DIP2C: variants seen among roughly 807,000 people sequenced by gnomAD.
The protein encoded by DIP2C is disco-interacting protein 2 homolog C.
DIP2C carries 33 observed loss-of-function variants against 192.4 expected under a neutral mutation model. The observed-to-expected ratio is 0.17, with a 90% CI of 0.13 to 0.23. The LOEUF (loss-of-function observed/expected upper bound fraction) is 0.23, where lower values mean the gene tolerates loss of function less well. DIP2C is among the 10% of genes least tolerant of loss of function. The pLI, the probability that DIP2C is intolerant of heterozygous loss-of-function variation, is 1.00. For missense variants in DIP2C, 1,537 were observed against 2,110.1 expected (o/e 0.73, Z 5.32); for synonymous variants, 979 against 864.1 (o/e 1.13, Z -2.33).
intron 29 of DIP2C, 118 bp from the exon 30 acceptor site, chr10:329,719 C>T: frequency 7.7e-7 from 1 of 1,304,204 alleles, no homozygotes; most frequent in Non-Finnish European, 1.0e-6. Context: ...ACAGCCCGTG[C>T]TGCCATCTGT....
At chr10:318,922 T>TTA (rs1956887850) in intron 31 of DIP2C, among the ~76,000 whole-genome samples, 1 of 151,660 alleles carries the variant, frequency 6.6e-6, no homozygotes, top group Non-Finnish European at 1.5e-5. Context: ...TTTTTTTTTT[T>TTA]ATACAGAGTC....
At chr10:495,968 C>G (rs1403700564) in intron 1 of DIP2C, among the ~76,000 whole-genome samples, 1 of 145,544 alleles carries the variant, frequency 6.9e-6, no homozygotes, top group African/African-American at 2.6e-5. Context: ...TAAAATCTCT[C>G]CATTACTCGC....
intron 1 of DIP2C, among the ~76,000 whole-genome samples, chr10:589,035 G>T (rs1851252453): frequency 6.6e-6 from 1 of 152,132 alleles, no homozygotes. Flanking sequence ...TCCAGCAGGG[G>T]TGTAAAAAAA....
intron 1 of DIP2C, among the ~76,000 whole-genome samples, chr10:565,354 TAA>T (rs59721670): frequency 5.3e-4 from 60 of 113,986 alleles, no homozygotes; most frequent in Middle Eastern, 4.8e-3. Context: ...ACCTGCATTC[TAA>T]AAAAAAAAAA....
intron 1 of DIP2C, among the ~76,000 whole-genome samples, chr10:579,830 G>A (rs1349964707): frequency 1.3e-5 from 2 of 151,848 alleles, no homozygotes; most frequent in African/African-American, 2.4e-5. Context: ...TACATGCATA[G>A]CATGTACACA....
intron 2 of DIP2C, among the ~76,000 whole-genome samples, chr10:482,053 C>G (rs116661118): frequency 1.3e-5 from 2 of 152,208 alleles, no homozygotes; most frequent in Non-Finnish European, 2.9e-5. Flanking sequence ...GATGGGAATC[C>G]GGATGGTCTG....
intron 35 of DIP2C, among the ~76,000 whole-genome samples, chr10:281,587 C>A (rs943394696): frequency 6.6e-6 from 1 of 152,226 alleles, no homozygotes; most frequent in Non-Finnish European, 1.5e-5. Context: ...TTTCCTGGCT[C>A]AGCTTCGATA....
chr10:618,765 G>T (rs1051041912), intron 1 of DIP2C, among the ~76,000 whole-genome samples: 19 of 152,258 alleles, frequency 1.2e-4, no homozygotes, highest in African/African-American at 4.6e-4. Context: ...CCGTGACCTC[G>T]GTCCACACAG....
chr10:689,478 G>T lies in DIP2C; in HGVS notation c.85+16C>A. 8.4e-7 allele frequency: 1 copy of T among 1,193,038 alleles called. No individual in the cohort carries two copies. Among genetic ancestry groups the T allele is most frequent in the Non-Finnish European group, 1.1e-6 (1 of 948,696 alleles). The allele number at this position is 1,193,038 out of a possible 1,614,324, so 73.9% of individuals were successfully genotyped here. A position where few individuals can be genotyped will look rare whatever the true frequency, so the allele number is the denominator to read the frequency against. On this transcript the variant is annotated intron_variant, in intron 1 of 36. Coordinates refer to ENST00000280886, the MANE Select transcript of DIP2C (RefSeq NM_014974.3). The surrounding 1 kb of genome is among the most constrained non-coding windows in gnomAD (Gnocchi z 6.1). ...CGGTGACAGCGCGGCCCGGCCCGGG[G>T]CGGGGGCCCGGTTACCTTCCGACAG...
At chr10:419,670 G>C (rs1966043234) in intron 5 of DIP2C, among the ~76,000 whole-genome samples, 1 of 152,206 alleles carries the variant, frequency 6.6e-6, no homozygotes, top group African/African-American at 2.4e-5. Flanking sequence ...TAATGGCCAT[G>C]ACCGTGTAGG....
rs1340957255 is a variant in DIP2C, at chr10:636,418, C to G, written c.85+53076G>C. ...TTCGGTAGATTTGCTTTCTCACTCTCTCTCTCTGTAGATTATACAGAGAGA... is the reference window on the plus strand; with the variant it reads ...TTCGGTAGATTTGCTTTCTCACTCTGTCTCTCTGTAGATTATACAGAGAGA... On this transcript the variant is annotated intron_variant, in intron 1 of 36. Coordinates refer to ENST00000280886, the MANE Select transcript of DIP2C (RefSeq NM_014974.3). This position sits in a 1 kb window ranked among gnomAD's most constrained non-coding sequence, Gnocchi z 4.6. Among the ~76,000 whole-genome samples, 1 of 152,200 alleles carries G rather than the reference C, an allele frequency of 6.6e-6. No homozygotes were observed.
At position 611,690 on chromosome 10, in the gene DIP2C, AATC is replaced by A. The variant is rs560671153; in HGVS notation, c.85+77801_85+77803del. Among the ~76,000 whole-genome samples, 344 of 152,288 alleles carry A rather than the reference AATC, an allele frequency of 2.3e-3. 2 individuals carry two copies. The highest frequency in any genetic ancestry group is 7.7e-3 in the African/African-American group (318 of 41,556). On this transcript the variant is annotated intron_variant, in intron 1 of 36. Coordinates refer to ENST00000280886, the MANE Select transcript of DIP2C (RefSeq NM_014974.3). ...TTTCCATCTTCCCCACTCACTGAAA[AATC>A]ATCCGATGCTATTTTCCTAAGGCAC...
At chr10:312,167 GTGCTCTGTTGCTGT>G (rs1412623687) in intron 31 of DIP2C, among the ~76,000 whole-genome samples, 1 of 152,150 alleles carries the variant, frequency 6.6e-6, no homozygotes, top group Non-Finnish European at 1.5e-5. Context: ...CCCAGCAAAT[GTGCTCTGTTGCTGT>G]TCCCCAAACA....
chr10:658,264 G>T (rs1338380575), intron 1 of DIP2C, among the ~76,000 whole-genome samples: 1 of 149,842 alleles, frequency 6.7e-6, no homozygotes, highest in African/African-American at 2.5e-5. Flanking sequence ...CCTGATGCTG[G>T]ACCTGCCCCT....
At position 500,415 on chromosome 10, in the gene DIP2C, TCAAA is replaced by T. The variant is rs1176901008; in HGVS notation, c.86-13889_86-13886del. On this transcript the variant is annotated intron_variant, in intron 1 of 36. Coordinates refer to ENST00000280886, the MANE Select transcript of DIP2C (RefSeq NM_014974.3). ...AAAGTGACTGCTCCTTAGTAATTAA[TCAAA>T]CAAATACTGCAGCTTTCACTTGGCC... 1.6e-4 allele frequency among the ~76,000 whole-genome samples: 24 copies of T among 152,358 alleles called. 1 individual carries two copies. Among genetic ancestry groups the T allele is most frequent in the South Asian group, 6.2e-4 (3 of 4,832 alleles).
chr10:590,539 G>A (rs1190385421), intron 1 of DIP2C, among the ~76,000 whole-genome samples: 9 of 152,204 alleles, frequency 5.9e-5, no homozygotes, highest in African/African-American at 1.9e-4. Flanking sequence ...CATCAACGAT[G>A]CAGGTGCCAG....
chr10:445,335 T>C (rs1355794262), intron 3 of DIP2C, among the ~76,000 whole-genome samples: 3 of 151,736 alleles, frequency 2.0e-5, no homozygotes, highest in Non-Finnish European at 4.4e-5. Context: ...AGAGTCTGTC[T>C]TGCACTGGAC....
At chr10:496,122 C>T (rs1338378685) in intron 1 of DIP2C, among the ~76,000 whole-genome samples, 2 of 136,298 alleles carry the variant, frequency 1.5e-5, no homozygotes, top group East Asian at 2.1e-4. Flanking sequence ...AAAATCTCTA[C>T]ATTACTCTCA....
intron 1 of DIP2C, among the ~76,000 whole-genome samples, chr10:673,814 C>G (rs764992066): frequency 2.0e-5 from 3 of 152,228 alleles, no homozygotes; most frequent in Non-Finnish European, 4.4e-5. Context: ...GCAAGGCCGT[C>G]TCCTGCCCCA....
Sources: allele counts gnomAD v4.1 joint callset (sites outside exome capture counted in the v4.1 genomes callset), GRCh38; gene constraint gnomAD v4.1.1; non-coding constraint Gnocchi (gnomAD v3.1); transcripts MANE v1.5; gene names NCBI Gene and HGNC (gene_info 2026-07-23, HGNC 2026-07-21).